The following SAMMSON variants were observed in gnomAD, a reference collection of about 807,000 sequenced individuals.
The protein encoded by SAMMSON is survival associated mitochondrial melanoma specific oncogenic non-coding RNA.
At chr3:70,142,560 G>A (rs2067532239) in intron 4 of SAMMSON, among the ~76,000 whole-genome samples, 1 of 152,186 alleles carries the variant, frequency 6.6e-6, no homozygotes, top group East Asian at 1.9e-4. Context: ...AGGGGTGAGT[G>A]ATAAAAGACT....
rs565911206 is a variant in SAMMSON, at chr3:70,120,344, G to A, written n.507+48779G>A. On this transcript the variant is annotated intron_variant and non_coding_transcript_variant, in intron 4 of 9. Transcript: ENST00000642114. ...TTTTAGAAGGCGAGTCGGTCAGCCA[G>A]TGCTCTGAGAGAACCCCAAATTAGC... The A allele has an allele frequency of 7.9e-5, 12 of 152,370 alleles. No homozygotes were observed. The South Asian group carries it at 2.3e-3, about 29-fold the overall frequency. The allele number at this position is 152,370 out of a possible 1,614,324, so 9.4% of individuals were successfully genotyped here.
intron 6 of SAMMSON, among the ~76,000 whole-genome samples, chr3:70,261,149 A>G (rs1393172674): frequency 6.6e-6 from 1 of 152,220 alleles, no homozygotes; most frequent in African/African-American, 2.4e-5. Flanking sequence ...ATAATATTGT[A>G]TTTCAGTTTG....
intron 4 of SAMMSON, among the ~76,000 whole-genome samples, chr3:70,089,022 G>T (rs1013027500): frequency 1.3e-5 from 2 of 151,976 alleles, no homozygotes; most frequent in African/African-American, 4.8e-5. Flanking sequence ...GTCTGCTCAG[G>T]GTCACTGAGA....
At chr3:70,209,033 G>A (rs1701316979) in intron 4 of SAMMSON, among the ~76,000 whole-genome samples, 2 of 152,014 alleles carry the variant, frequency 1.3e-5, no homozygotes, top group South Asian at 2.1e-4. Flanking sequence ...TAACCCAAGA[G>A]GGATTCACCA....
In SAMMSON at chr3:70,125,220, C is replaced by A. The variant is rs1022274934; in HGVS notation, n.507+53655C>A. 14 of 1,387,436 alleles carry A rather than the reference C, an allele frequency of 1.0e-5. No homozygotes were observed. In the Admixed American group the frequency reaches 2.3e-4, roughly 23 times the overall value. The allele number at this position is 1,387,436 out of a possible 1,614,324, so 85.9% of individuals were successfully genotyped here. ...TTAGGAAGTCCAATGGAAGCTTGTCCTTTCATACGACCTTCTTTCATCAAA... is the reference window on the plus strand; with the variant it reads ...TTAGGAAGTCCAATGGAAGCTTGTCATTTCATACGACCTTCTTTCATCAAA... On this transcript the variant is annotated intron_variant and non_coding_transcript_variant, in intron 4 of 9. Coordinates refer to ENST00000642114, the Ensembl canonical transcript of SAMMSON.
chr3:70,379,787 T>G (rs528935513), intron 9 of SAMMSON, among the ~76,000 whole-genome samples: 1 of 151,862 alleles, frequency 6.6e-6, no homozygotes, highest in East Asian at 1.9e-4. Context: ...AAAAGCAAAG[T>G]GCAAAAAAAA....
chr3:70,362,254 C>T (rs554938877), intron 9 of SAMMSON, among the ~76,000 whole-genome samples: 55 of 152,220 alleles, frequency 3.6e-4, no homozygotes, highest in Non-Finnish European at 4.4e-4. Context: ...GTTGACCTAA[C>T]AGATCAAGTC....
At chr3:70,039,774 G>T (rs1393611642) in intron 3 of SAMMSON, among the ~76,000 whole-genome samples, 1 of 151,880 alleles carries the variant, frequency 6.6e-6, no homozygotes, top group African/African-American at 2.4e-5. Flanking sequence ...TCTTAGAAGT[G>T]GTCCCTGCAG....
At chr3:70,085,949 G>T (rs549383525) in intron 4 of SAMMSON, among the ~76,000 whole-genome samples, 2 of 152,228 alleles carry the variant, frequency 1.3e-5, no homozygotes, top group East Asian at 3.9e-4. Flanking sequence ...CAATTTTAAG[G>T]AATAAAACAA....
intron 4 of SAMMSON, among the ~76,000 whole-genome samples, chr3:70,214,307 G>C (rs999586911): frequency 6.6e-6 from 1 of 152,064 alleles, no homozygotes. Context: ...TCGTTGTTTT[G>C]ATTTGTCTTC....
rs116488856 is a variant in SAMMSON, at chr3:70,130,300, A to G, written n.507+58735A>G. ...ACGGACCTGAGGTGATTGTGGCGAC[A>G]AGATCATGGACTTTGAGTTGATGCT... On this transcript the variant is annotated intron_variant and non_coding_transcript_variant, in intron 4 of 9. Transcript: ENST00000642114. 4.1e-3 allele frequency among the ~76,000 whole-genome samples: 632 copies of G among 152,340 alleles called. 11 individuals are homozygous for G. Among genetic ancestry groups the G allele is most frequent in the Non-Finnish European group, 1.6e-3 (107 of 68,034 alleles).
intron 2 of SAMMSON, among the ~76,000 whole-genome samples, chr3:70,399,292 A>C (rs1175182580): frequency 6.6e-6 from 1 of 152,158 alleles, no homozygotes; most frequent in Non-Finnish European, 1.5e-5. Context: ...TGTTTAAATG[A>C]TCTGAATCCA....
At chr3:70,356,884 C>G (rs1187142083) in intron 8 of SAMMSON, among the ~76,000 whole-genome samples, 1 of 152,058 alleles carries the variant, frequency 6.6e-6, no homozygotes, top group Non-Finnish European at 1.5e-5. Context: ...TGAGCACTGA[C>G]TTTATCCCAG....
intron 4 of SAMMSON, among the ~76,000 whole-genome samples, chr3:70,164,514 T>C (rs913556006): frequency 1.3e-5 from 2 of 152,064 alleles, no homozygotes; most frequent in African/African-American, 4.8e-5. Context: ...GCACTTTTTC[T>C]GGTTAGATCA....
chr3:70,060,017 G>GA, intron 3 of SAMMSON, among the ~76,000 whole-genome samples: 1 of 152,194 alleles, frequency 6.6e-6, no homozygotes, highest in Non-Finnish European at 1.5e-5. Context: ...TAGAATGTAT[G>GA]AAAAAAGAAA....
chr3:70,356,770 G>A (rs1319580593), intron 8 of SAMMSON, among the ~76,000 whole-genome samples: 1 of 151,948 alleles, frequency 6.6e-6, no homozygotes, highest in Non-Finnish European at 1.5e-5. Flanking sequence ...ACCAATCCCA[G>A]GCTGTCTCTC....
At chr3:70,232,508 T>A (rs1238801327) in intron 4 of SAMMSON, among the ~76,000 whole-genome samples, 1 of 151,930 alleles carries the variant, frequency 6.6e-6, no homozygotes, top group African/African-American at 2.4e-5. Context: ...CAAGTGATTC[T>A]CCTGCCTCAG....
intron 4 of SAMMSON, among the ~76,000 whole-genome samples, chr3:70,158,341 A>C (rs1300434530): frequency 6.6e-6 from 1 of 152,118 alleles, no homozygotes; most frequent in African/African-American, 2.4e-5. Context: ...TTCACTGAGC[A>C]TAATGTTTTT....
At chr3:70,284,577 A>AT (rs1268825798) in intron 6 of SAMMSON, among the ~76,000 whole-genome samples, 1 of 152,188 alleles carries the variant, frequency 6.6e-6, no homozygotes, top group African/African-American at 2.4e-5. Flanking sequence ...ATAAAAAAGA[A>AT]TAAGATCATG....
Sources: allele counts gnomAD v4.1 joint callset (sites outside exome capture counted in the v4.1 genomes callset), GRCh38; gene constraint gnomAD v4.1.1; transcripts MANE v1.5; gene names NCBI Gene and HGNC (gene_info 2026-07-23, HGNC 2026-07-21).